The following RAB27A variants were observed in gnomAD, a reference collection of about 807,000 sequenced individuals.
RAB27A encodes RAB27A, member RAS oncogene family, also known as ras-related protein Rab-27A.
A neutral mutation model predicts 20.8 loss-of-function variants in RAB27A; 17 were observed. The observed-to-expected ratio is 0.82, with a 90% CI of 0.56 to 1.23. The LOEUF is 1.23. RAB27A is among the 50% of genes most tolerant of loss of function. The pLI, the probability that RAB27A is intolerant of heterozygous loss-of-function variation, is 0.00. For synonymous variants in RAB27A, 85 were observed against 92.8 expected, an observed-to-expected ratio of 0.92 and a Z score of 0.48; for missense variants, 277 against 266.7, an observed-to-expected ratio of 1.04 and a Z score of -0.27.
intron 2 of RAB27A, among the ~76,000 whole-genome samples, chr15:55,260,277 C>A (rs1372188021): frequency 1.3e-5 from 2 of 152,178 alleles, no homozygotes; most frequent in Non-Finnish European, 2.9e-5. Flanking sequence ...ATCCAAAACA[C>A]TGACAACATC....
At chr15:55,303,851 C>A (rs1419183163) in intron 2 of RAB27A, among the ~76,000 whole-genome samples, 1 of 137,946 alleles carries the variant, frequency 7.2e-6, no homozygotes, top group Non-Finnish European at 1.5e-5. Context: ...GGGGTCAGCC[C>A]CCCTGCCCAG....
At chr15:55,310,855 G>A (rs778657748) in intron 2 of RAB27A, among the ~76,000 whole-genome samples, 15 of 152,210 alleles carry the variant, frequency 9.9e-5, no homozygotes, top group Non-Finnish European at 1.6e-4. Context: ...TCAGGTGACA[G>A]AGAGGTATGC....
intron 2 of RAB27A, among the ~76,000 whole-genome samples, chr15:55,255,291 G>A (rs921329234): frequency 1.3e-5 from 2 of 152,184 alleles, no homozygotes; most frequent in African/African-American, 2.4e-5. Context: ...CATCCTCCTC[G>A]GGGTATTCCT....
chr15:55,278,033 C>T (rs1458505662), intron 1 of RAB27A, among the ~76,000 whole-genome samples: 2 of 152,164 alleles, frequency 1.3e-5, no homozygotes, highest in Non-Finnish European at 2.9e-5. Flanking sequence ...GTAGCTGTAG[C>T]TATTATACTC....
rs1218762595 is a variant in RAB27A, at chr15:55,228,612, T to C, written c.340A>G (p.Ile114Val). 5 of 1,588,610 alleles carry C rather than the reference T, an allele frequency of 3.1e-6. No individual in the cohort carries two copies. In the African/African-American group the frequency reaches 6.7e-5, roughly 21 times the overall value. ...EQSFLNVRNWISQLQMHAYCE... is the reference protein window; with the variant it reads ...EQSFLNVRNWVSQLQMHAYCE... ...ACTGGGGAACAATAACACTTACTTA[T>C]CCAGTTTCTGACATTGAGGAAACTT... Residue 114 changes from isoleucine to valine, a missense_variant, in exon 5 of 7, where the codon ATA (isoleucine) becomes GTA (valine). Coordinates refer to ENST00000336787, the MANE Select transcript of RAB27A (RefSeq NM_183235.3).
At chr15:55,240,498 A>T (rs1370869400) in intron 2 of RAB27A, among the ~76,000 whole-genome samples, 1 of 152,186 alleles carries the variant, frequency 6.6e-6, no homozygotes, top group Non-Finnish European at 1.5e-5. Flanking sequence ...TCCCTCAGAA[A>T]GATCTAGAGC....
intron 1 of RAB27A, among the ~76,000 whole-genome samples, chr15:55,277,881 G>T (rs138157389): frequency 4.6e-5 from 7 of 152,130 alleles, no homozygotes; most frequent in Non-Finnish European, 1.0e-4. Context: ...CATGCATCCC[G>T]GGAAACCATA....
intron 6 of RAB27A, among the ~76,000 whole-genome samples, chr15:55,222,777 C>G (rs1049824653): frequency 2.0e-5 from 3 of 152,142 alleles, no homozygotes; most frequent in Non-Finnish European, 4.4e-5. Context: ...ACATCCCCTA[C>G]ACCATCTACA....
chr15:55,298,891 C>T lies in RAB27A; in HGVS notation c.-112+15148G>A, dbSNP rs556313446. On this transcript the variant is annotated intron_variant, in intron 2 of 5. Transcript: ENST00000563262. ...AGAAATATGGCTCTGTTCTGCCTGG[C>T]TCACCAGCAGTCAGAGTTTAAGGTT... 1.8e-3 allele frequency among the ~76,000 whole-genome samples: 279 copies of T among 152,352 alleles called. 1 individual carries two copies. The highest frequency in any genetic ancestry group is 3.5e-3 in the Non-Finnish European group (238 of 68,032).
intron 2 of RAB27A, among the ~76,000 whole-genome samples, chr15:55,248,597 G>A (rs1461054433): frequency 6.6e-6 from 1 of 152,092 alleles, no homozygotes; most frequent in Non-Finnish European, 1.5e-5. Flanking sequence ...GCCAGTTTTG[G>A]TTTCACCATA....
intron 5 of RAB27A, among the ~76,000 whole-genome samples, chr15:55,228,317 G>A (rs750703435): frequency 1.3e-5 from 2 of 152,170 alleles, no homozygotes; most frequent in African/African-American, 2.4e-5. Flanking sequence ...CCTCATCTAC[G>A]AAATGGGAAT....
intron 1 of RAB27A, among the ~76,000 whole-genome samples, chr15:55,282,772 G>T (rs572714655): frequency 6.6e-6 from 1 of 152,174 alleles, no homozygotes; most frequent in East Asian, 1.9e-4. Context: ...ACTTCCTCCT[G>T]CTGGTAGGCT....
At position 55,223,927 on chromosome 15, in the gene RAB27A, C is replaced by T; in HGVS notation, c.429G>A (p.Val143=). The part of the protein sequence containing the change: ...NKSDLEDQRV[V]KEEEAIALAE... ...CGAGTGCTATGGCTTCCTCCTCTTT[C>T]ACTACTCTCTGGTCCTCCAGATCAC... The change falls in exon 6 of 7, where the codon GTG becomes GTA. Residue 143 remains valine (V), a synonymous_variant. Transcript: ENST00000336787. 1 of 1,613,986 alleles carries T rather than the reference C, an allele frequency of 6.2e-7. No homozygotes were observed. Among genetic ancestry groups the T allele is most frequent in the East Asian group, 2.2e-5 (1 of 44,866 alleles).
intron 6 of RAB27A, among the ~76,000 whole-genome samples, chr15:55,212,028 A>G (rs1895053586): frequency 7.1e-6 from 1 of 141,124 alleles, no homozygotes; most frequent in Admixed American, 7.6e-5. Flanking sequence ...TGCTCTTCAG[A>G]GTGTTCTGGT....
intron 1 of RAB27A, chr15:55,317,653 T>C: frequency 2.5e-6 from 1 of 398,588 alleles, no homozygotes; most frequent in Non-Finnish European, 4.4e-6. Flanking sequence ...TTCTGATTCT[T>C]GTACCAACTG....
At chr15:55,293,822 C>T (rs1248660526), upstream of RAB27A, among the ~76,000 whole-genome samples, 5 of 151,998 alleles carry the variant, frequency 3.3e-5, no homozygotes, top group Admixed American at 6.6e-5. Context: ...GTGGTTGAAG[C>T]GGGAGAATTG....
Position 55,203,919 on chromosome 15 carries a change from T to C in RAB27A, c.*1588A>G, listed in dbSNP as rs1267500687. The C allele has an allele frequency of 6.6e-6, 1 of 152,202 alleles. No individual in the cohort carries two copies. Among genetic ancestry groups the C allele is most frequent in the East Asian group, 1.9e-4 (1 of 5,198 alleles). The allele number at this position is 152,202 out of a possible 1,614,324, so 9.4% of individuals were successfully genotyped here. ...GAAAAAAAAATAGGTTTTTTCATGA[T>C]ACTTTTATTTTTCCTTTTTTAAAAA... On this transcript the variant is annotated 3_prime_UTR_variant, in exon 7 of 7. Transcript: ENST00000336787.
chr15:55,287,429 T>C (rs527432884), intron 1 of RAB27A, among the ~76,000 whole-genome samples: 2 of 152,192 alleles, frequency 1.3e-5, no homozygotes, highest in East Asian at 1.9e-4. Context: ...ACCAAAACAA[T>C]AGAAATTGAG....
intron 1 of RAB27A, among the ~76,000 whole-genome samples, chr15:55,286,790 C>T (rs1898165600): frequency 6.6e-6 from 1 of 151,424 alleles, no homozygotes; most frequent in South Asian, 2.1e-4. Context: ...GAGTGTGGAG[C>T]AGTAAGGGTG....
Sources: allele counts gnomAD v4.1 joint callset (sites outside exome capture counted in the v4.1 genomes callset), GRCh38; gene constraint gnomAD v4.1.1; transcripts MANE v1.5; gene names NCBI Gene and HGNC (gene_info 2026-07-23, HGNC 2026-07-21).